NAV3: variants seen among roughly 807,000 people sequenced by gnomAD.
The protein encoded by NAV3 is pore membrane and/or filament interacting like protein 1.
Under a neutral mutation model 244.7 loss-of-function variants are expected in NAV3, and 87 were observed. The observed-to-expected ratio is 0.36, with a 90% CI of 0.30 to 0.42. The LOEUF (loss-of-function observed/expected upper bound fraction) is 0.42, where lower values mean the gene tolerates loss of function less well. NAV3 is among the 20% of genes least tolerant of loss of function. The probability of loss-of-function intolerance (pLI) is 1.00; values close to 1 mark genes in which losing one functional copy is unlikely to be tolerated. For synonymous variants in NAV3, 1,126 were observed against 1,042.2 expected (o/e 1.08, Z -1.55); for missense variants, 2,663 against 2,893.3 (o/e 0.92, Z 1.83).
At chr12:77,682,343 C>G (rs1461040713) in intron 2 of NAV3, among the ~76,000 whole-genome samples, 1 of 152,156 alleles carries the variant, frequency 6.6e-6, no homozygotes, top group Non-Finnish European at 1.5e-5. Context: ...TCCTTCTTTT[C>G]AAAGGCTAAA....
chr12:78,092,645 G>A (rs1448431597), intron 12 of NAV3, among the ~76,000 whole-genome samples: 6 of 151,526 alleles, frequency 4.0e-5, no homozygotes, highest in Non-Finnish European at 8.8e-5. Flanking sequence ...GACTACAGGC[G>A]CCTGCCACCA....
upstream of NAV3, among the ~76,000 whole-genome samples, chr12:77,826,195 A>G (rs1463478350): frequency 4.6e-5 from 7 of 152,188 alleles, no homozygotes; most frequent in South Asian, 1.0e-3. Flanking sequence ...TAAAATAAAT[A>G]TCAACATAAG....
intron 1 of NAV3, among the ~76,000 whole-genome samples, chr12:77,834,980 C>T (rs2136111301): frequency 6.6e-6 from 1 of 152,196 alleles, no homozygotes; most frequent in South Asian, 2.1e-4. Context: ...GAAAAGTCAA[C>T]ATAACAATAG....
intron 1 of NAV3, among the ~76,000 whole-genome samples, chr12:77,886,654 A>G (rs1883326241): frequency 6.6e-6 from 1 of 152,130 alleles, no homozygotes; most frequent in Non-Finnish European, 1.5e-5. Context: ...ACCATAGCTT[A>G]CTGAATAAAA....
chr12:77,658,814 A>G (rs1334407559), intron 2 of NAV3, among the ~76,000 whole-genome samples: 1 of 152,046 alleles, frequency 6.6e-6, no homozygotes, highest in South Asian at 2.1e-4. Flanking sequence ...GCATATCTAC[A>G]ACTATCTGAT....
chr12:77,891,748 C>T (rs1202247961), intron 1 of NAV3, among the ~76,000 whole-genome samples: 1 of 152,212 alleles, frequency 6.6e-6, no homozygotes, highest in Non-Finnish European at 1.5e-5. Context: ...GCTGCAGAGA[C>T]GGCTTTAAAG....
chr12:78,003,889 C>G (rs937075157), intron 7 of NAV3, among the ~76,000 whole-genome samples: 1 of 152,160 alleles, frequency 6.6e-6, no homozygotes, highest in African/African-American at 2.4e-5. Flanking sequence ...GTATATAATA[C>G]CTGAATAAAG....
At chr12:78,110,508 T>C (rs1955033029) in intron 12 of NAV3, among the ~76,000 whole-genome samples, 1 of 152,016 alleles carries the variant, frequency 6.6e-6, no homozygotes, top group Middle Eastern at 3.2e-3. Context: ...AATCTGGTCC[T>C]GACTTAATCA....
At chr12:78,153,777 G>A (rs1212365603) in intron 22 of NAV3, among the ~76,000 whole-genome samples, 2 of 152,002 alleles carry the variant, frequency 1.3e-5, no homozygotes, top group African/African-American at 4.8e-5. Context: ...TTGAGATTGT[G>A]TTCTACTTCT....
chr12:77,835,006 C>T (rs1472704854), intron 1 of NAV3, among the ~76,000 whole-genome samples: 4 of 152,148 alleles, frequency 2.6e-5, no homozygotes, highest in Admixed American at 6.5e-5. Context: ...AGAAGATAGA[C>T]GTTTATTTCA....
At chr12:78,150,031 A>C (rs1039675316) in intron 22 of NAV3, among the ~76,000 whole-genome samples, 1 of 152,102 alleles carries the variant, frequency 6.6e-6, no homozygotes, top group Non-Finnish European at 1.5e-5. Flanking sequence ...TGAAAATAAT[A>C]GCAGTTTTTA....
chr12:77,937,598 T>C (rs890682248), intron 1 of NAV3, among the ~76,000 whole-genome samples: 1 of 152,206 alleles, frequency 6.6e-6, no homozygotes, highest in Non-Finnish European at 1.5e-5. Flanking sequence ...CAGGTCTGAA[T>C]GAGAATATGA....
chr12:77,703,649 G>A (rs774588720), intron 2 of NAV3, among the ~76,000 whole-genome samples: 1 of 152,094 alleles, frequency 6.6e-6, no homozygotes, highest in Non-Finnish European at 1.5e-5. Flanking sequence ...CAAACTATGA[G>A]GGTTCAAATT....
intron 7 of NAV3, among the ~76,000 whole-genome samples, chr12:78,004,899 G>T (rs1873934525): frequency 6.6e-6 from 1 of 152,174 alleles, no homozygotes; most frequent in Non-Finnish European, 1.5e-5. Flanking sequence ...GTTGGATGTG[G>T]ATGTCATAAT....
At chr12:77,676,021 C>G (rs1196087529) in intron 2 of NAV3, among the ~76,000 whole-genome samples, 3 of 152,136 alleles carry the variant, frequency 2.0e-5, no homozygotes, top group Admixed American at 6.5e-5. Flanking sequence ...ACCAGAAGGG[C>G]TGTCATCACA....
At chr12:78,047,329 T>C (rs1334673853) in intron 9 of NAV3, among the ~76,000 whole-genome samples, 1 of 151,788 alleles carries the variant, frequency 6.6e-6, no homozygotes, top group Non-Finnish European at 1.5e-5. Flanking sequence ...CTACTAAAAA[T>C]ACAAAAAATT....
intron 3 of NAV3, among the ~76,000 whole-genome samples, chr12:77,953,858 C>G (rs912019550): frequency 6.6e-6 from 1 of 152,134 alleles, no homozygotes; most frequent in Admixed American, 6.6e-5. Flanking sequence ...TGAGTAGATC[C>G]TTGTATTAGT....
intron 11 of NAV3, 50 bp from the exon 12 acceptor site, chr12:78,058,946 C>A (rs375832605): frequency 6.6e-7 from 1 of 1,506,722 alleles, no homozygotes; most frequent in Non-Finnish European, 8.9e-7. Flanking sequence ...TTAAATTGTA[C>A]AGTTGAGTTG....
At chr12:77,767,068 G>A (rs1302533741) in intron 2 of NAV3, among the ~76,000 whole-genome samples, 1 of 151,984 alleles carries the variant, frequency 6.6e-6, no homozygotes, top group Non-Finnish European at 1.5e-5. Flanking sequence ...TTTTTTACAA[G>A]GGAAAAATGA....
Sources: allele counts gnomAD v4.1 joint callset (sites outside exome capture counted in the v4.1 genomes callset), GRCh38; gene constraint gnomAD v4.1.1; transcripts MANE v1.5; gene names NCBI Gene and HGNC (gene_info 2026-07-23, HGNC 2026-07-21).